The following CDC42SE2 variants were observed in gnomAD, a reference collection of about 807,000 sequenced individuals.
The protein encoded by CDC42SE2 is CDC42 small effector 2, also known as CDC42 small effector protein 2.
A neutral mutation model predicts 11.5 loss-of-function variants in CDC42SE2; 3 were observed. That is an observed-to-expected ratio of 0.26 (90% CI 0.12 to 0.67). The LOEUF is 0.67. CDC42SE2 is among the 30% of genes least tolerant of loss of function. The probability of loss-of-function intolerance (pLI) is 0.80; values close to 1 mark genes in which losing one functional copy is unlikely to be tolerated. For synonymous variants in CDC42SE2, 33 were observed against 34.8 expected (o/e 0.95, Z 0.18); for missense variants, 82 against 106.8 (o/e 0.77, Z 1.02).
the CDC42SE2 span, among the ~76,000 whole-genome samples, chr5:131,214,949 A>G: frequency 2.6e-5 from 4 of 152,262 alleles, no homozygotes; most frequent in South Asian, 2.1e-4. Flanking sequence ...AGGCTTTTCC[A>G]TAATTAGCTC....
chr5:131,295,972 A>C (rs1436061850), intron 1 of CDC42SE2, among the ~76,000 whole-genome samples: 1 of 152,210 alleles, frequency 6.6e-6, no homozygotes, highest in African/African-American at 2.4e-5. Context: ...GGCGTGAGCC[A>C]CCGCACCCGG....
chr5:131,313,673 C>G (rs757301939), intron 1 of CDC42SE2, among the ~76,000 whole-genome samples: 15 of 152,212 alleles, frequency 9.9e-5, no homozygotes, highest in Admixed American at 2.0e-4. Context: ...TTTTATTGAC[C>G]TGTTAAGTCT....
chr5:131,279,871 G>A (rs1368573974), intron 1 of CDC42SE2, among the ~76,000 whole-genome samples: 5 of 152,042 alleles, frequency 3.3e-5, no homozygotes, highest in East Asian at 1.9e-4. Flanking sequence ...ACAGGAGTTC[G>A]AGATCAGCCC....
At chr5:131,249,765 C>T (rs1273840646) in intron 1 of CDC42SE2, among the ~76,000 whole-genome samples, 1 of 152,070 alleles carries the variant, frequency 6.6e-6, no homozygotes, top group Non-Finnish European at 1.5e-5. Context: ...TGCCTGTAGT[C>T]CTAGGTACTC....
chr5:131,343,078 T>C (rs945368289), intron 2 of CDC42SE2, among the ~76,000 whole-genome samples: 5 of 152,174 alleles, frequency 3.3e-5, no homozygotes, highest in African/African-American at 1.2e-4. Flanking sequence ...GATGGTTTTA[T>C]TCAGAAAACT....
At chr5:131,240,587 C>T (rs1561559794), upstream of CDC42SE2, among the ~76,000 whole-genome samples, 1 of 152,134 alleles carries the variant, frequency 6.6e-6, no homozygotes, top group African/African-American at 2.4e-5. Flanking sequence ...GTGAGATCAT[C>T]ACAGAATAAG....
chr5:131,346,106 A>G (rs895593699), intron 2 of CDC42SE2, among the ~76,000 whole-genome samples: 2 of 152,232 alleles, frequency 1.3e-5, no homozygotes, highest in Non-Finnish European at 2.9e-5. Flanking sequence ...AACGAGCAAA[A>G]TAACCAGCTA....
At chr5:131,330,982 C>T (rs574736623) in intron 2 of CDC42SE2, among the ~76,000 whole-genome samples, 1 of 152,096 alleles carries the variant, frequency 6.6e-6, no homozygotes, top group East Asian at 1.9e-4. Flanking sequence ...GCCGTGATTG[C>T]ACCATTGCCC....
chr5:131,268,754 CTTTTTTTTT>C (rs11370516), intron 1 of CDC42SE2, among the ~76,000 whole-genome samples: 2 of 96,880 alleles, frequency 2.1e-5, no homozygotes, highest in East Asian at 3.1e-4. Flanking sequence ...ACCCGGATTG[CTTTTTTTTT>C]TTTTTTTTTT....
intron 1 of CDC42SE2, among the ~76,000 whole-genome samples, chr5:131,287,291 G>T (rs532260180): frequency 6.6e-6 from 1 of 151,840 alleles, no homozygotes; most frequent in Non-Finnish European, 1.5e-5. Context: ...CACCTCGCCC[G>T]GCCTTGGGTC....
At chr5:131,330,558 C>T (rs1758400296) in intron 2 of CDC42SE2, among the ~76,000 whole-genome samples, 1 of 152,090 alleles carries the variant, frequency 6.6e-6, no homozygotes, top group South Asian at 2.1e-4. Flanking sequence ...GACAGTGGTT[C>T]CCAACTGGGG....
At chr5:131,333,424 G>C (rs972602154) in intron 2 of CDC42SE2, among the ~76,000 whole-genome samples, 14 of 152,120 alleles carry the variant, frequency 9.2e-5, no homozygotes, top group Non-Finnish European at 1.9e-4. Flanking sequence ...TTGTTCTTTT[G>C]GCTTAGGATT....
intron 1 of CDC42SE2, among the ~76,000 whole-genome samples, chr5:131,252,249 A>T (rs1186219570): frequency 2.0e-5 from 3 of 152,242 alleles, no homozygotes; most frequent in Non-Finnish European, 4.4e-5. Context: ...TACATTAAGC[A>T]TATGTTCATA....
chr5:131,302,153 C>T (rs906778622), intron 1 of CDC42SE2, among the ~76,000 whole-genome samples: 2 of 151,186 alleles, frequency 1.3e-5, no homozygotes, highest in African/African-American at 4.9e-5. Context: ...ATTACAGGCA[C>T]GCGCCACTAC....
chr5:131,252,022 TAAG>T (rs1756642831), intron 1 of CDC42SE2, among the ~76,000 whole-genome samples: 2 of 105,640 alleles, frequency 1.9e-5, no homozygotes, highest in South Asian at 5.7e-4. Context: ...CTCAAAAAAG[TAAG>T]AAGAAAAAAA....
At chr5:131,327,103 A>C (rs1758315037) in intron 2 of CDC42SE2, among the ~76,000 whole-genome samples, 1 of 152,112 alleles carries the variant, frequency 6.6e-6, no homozygotes, top group Non-Finnish European at 1.5e-5. Flanking sequence ...AATTGGGTTT[A>C]ATTTTCATCC....
At chr5:131,299,908 G>C (rs1757646846) in intron 1 of CDC42SE2, among the ~76,000 whole-genome samples, 1 of 152,202 alleles carries the variant, frequency 6.6e-6, no homozygotes, top group South Asian at 2.1e-4. Flanking sequence ...AATCAGGGCT[G>C]TTCTGATATA....
At chr5:131,343,698 A>G (rs190540641) in intron 2 of CDC42SE2, among the ~76,000 whole-genome samples, 122 of 149,580 alleles carry the variant, frequency 8.2e-4, no homozygotes, top group Non-Finnish European at 1.5e-3. Flanking sequence ...GGGCAACAAG[A>G]GCTAAACTCT....
At chr5:131,258,766 C>G (rs2149685567) in intron 2 of CDC42SE2, among the ~76,000 whole-genome samples, 1 of 152,260 alleles carries the variant, frequency 6.6e-6, no homozygotes, top group Non-Finnish European at 1.5e-5. Flanking sequence ...AAAAACTTTT[C>G]TAACTAATTC....
Sources: allele counts gnomAD v4.1 joint callset (sites outside exome capture counted in the v4.1 genomes callset), GRCh38; gene constraint gnomAD v4.1.1; transcripts MANE v1.5; gene names NCBI Gene and HGNC (gene_info 2026-07-23, HGNC 2026-07-21).